Variants in ABCD3 observed in about 807,000 individuals in gnomAD.
The protein encoded by ABCD3 is ATP binding cassette subfamily D member 3.
ABCD3 carries 41 observed loss-of-function variants against 105.5 expected under a neutral mutation model. The ratio of observed to expected loss-of-function variants is 0.39; its 90% confidence interval spans 0.30 to 0.50. ABCD3 has a LOEUF of 0.50. ABCD3 is among the 20% of genes least tolerant of loss of function. ABCD3 has a pLI of 0.84. For synonymous variants in ABCD3, 258 were observed against 269.0 expected, an observed-to-expected ratio of 0.96 and a Z score of 0.40; for missense variants, 622 against 806.3, an observed-to-expected ratio of 0.77 and a Z score of 2.77.
intron 9 of ABCD3, chr1:94,482,743 A>G (rs1649089470): frequency 1.1e-5 from 2 of 186,428 alleles, no homozygotes; most frequent in South Asian, 1.1e-4. Context: ...AAAAGGCTGT[A>G]TGTCAAGTCA....
Position 94,455,330 on chromosome 1 carries a change from T to C in ABCD3, c.111-3277T>C, listed in dbSNP as rs189223042. On this transcript the variant is annotated intron_variant, in intron 1 of 22. Transcript: ENST00000370214. The stretch of plus-strand genomic sequence containing the variant: ...TTTAAGAAACTTATAAATGAATTTT[T>C]TTTTTTTTTTTTGAGACCGAGTTTT... Among the ~76,000 whole-genome samples, 460 of 152,096 alleles carry C rather than the reference T, an allele frequency of 3.0e-3. 7 individuals carry two copies. The highest frequency in any genetic ancestry group is 9.4e-3 in the Admixed American group (144 of 15,288).
chr1:94,387,261 G>A, the ABCD3 span, among the ~76,000 whole-genome samples: 1 of 152,194 alleles, frequency 6.6e-6, no homozygotes, highest in Non-Finnish European at 1.5e-5. Context: ...AACAGGACTT[G>A]AGTAGTTTGA....
At chr1:94,455,444 G>C (rs1461280118) in intron 1 of ABCD3, among the ~76,000 whole-genome samples, 2 of 151,690 alleles carry the variant, frequency 1.3e-5, no homozygotes, top group Admixed American at 6.6e-5. Flanking sequence ...TTCTGCCTCA[G>C]CCTCCTGAGT....
intron 21 of ABCD3, among the ~76,000 whole-genome samples, chr1:94,510,357 G>A (rs1470838549): frequency 6.6e-6 from 1 of 152,102 alleles, no homozygotes; most frequent in Non-Finnish European, 1.5e-5. Flanking sequence ...CTGAGAGATA[G>A]TTTGTTATAA....
chr1:94,456,154 C>G (rs759859505), intron 1 of ABCD3, among the ~76,000 whole-genome samples: 1 of 150,394 alleles, frequency 6.6e-6, no homozygotes, highest in Non-Finnish European at 1.5e-5. Flanking sequence ...TTTTTAGATT[C>G]CACATGTAAG....
intron 22 of ABCD3, 26 bp downstream of exon 22, chr1:94,515,228 A>G (rs1439805426): frequency 3.2e-6 from 5 of 1,559,742 alleles, no homozygotes; most frequent in Non-Finnish European, 4.4e-6. Flanking sequence ...ATTGAATGGT[A>G]CAGTGAAATT....
chr1:94,422,735 C>T (rs1364558253), intron 1 of ABCD3, among the ~76,000 whole-genome samples: 1 of 152,110 alleles, frequency 6.6e-6, no homozygotes, highest in Non-Finnish European at 1.5e-5. Context: ...ATGCCTAGTA[C>T]AAACATGAAT....
At chr1:94,464,729 A>C in intron 2 of ABCD3, 46 bp from the exon 3 acceptor site, 1 of 1,455,160 alleles carries the variant, frequency 6.9e-7, no homozygotes, top group Non-Finnish European at 9.6e-7. Context: ...ATTTTATGAT[A>C]TGTTTGTTAT....
chr1:94,393,229 A>C, the ABCD3 span, among the ~76,000 whole-genome samples: 1 of 152,250 alleles, frequency 6.6e-6, no homozygotes, highest in Non-Finnish European at 1.5e-5. Context: ...AATCTCTGGC[A>C]CATAATGGAT....
At chr1:94,514,856 C>T in intron 21 of ABCD3, 5 of 338,606 alleles carry the variant, frequency 1.5e-5, no homozygotes, top group Non-Finnish European at 2.2e-5. Context: ...TCTCATATTC[C>T]TCTCATATAT....
intron 16 of ABCD3, among the ~76,000 whole-genome samples, chr1:94,494,835 T>G (rs1332902121): frequency 6.6e-6 from 1 of 152,174 alleles, no homozygotes; most frequent in African/African-American, 2.4e-5. Context: ...ATTAAAATAG[T>G]ACTTTGTCCA....
the ABCD3 span, among the ~76,000 whole-genome samples, chr1:94,404,898 C>G: frequency 6.7e-6 from 1 of 148,616 alleles, no homozygotes; most frequent in Non-Finnish European, 1.5e-5. Flanking sequence ...GATATTGCGC[C>G]GCTGCACTGC....
chr1:94,399,306 A>C, the ABCD3 span, among the ~76,000 whole-genome samples: 2 of 152,218 alleles, frequency 1.3e-5, no homozygotes, highest in Admixed American at 6.5e-5. Context: ...AGTAATGCAC[A>C]CACATTTTTG....
the ABCD3 span, among the ~76,000 whole-genome samples, chr1:94,409,344 C>T: frequency 1.3e-5 from 2 of 152,134 alleles, no homozygotes; most frequent in East Asian, 3.9e-4. Flanking sequence ...TAAACATATA[C>T]ACCTACTATA....
intron 1 of ABCD3, among the ~76,000 whole-genome samples, chr1:94,424,322 G>C (rs1659383478): frequency 6.6e-6 from 1 of 152,020 alleles, no homozygotes; most frequent in Admixed American, 6.5e-5. Flanking sequence ...TGCCTGAAGT[G>C]CTCTTTCCTC....
intron 4 of ABCD3, among the ~76,000 whole-genome samples, chr1:94,471,004 G>T (rs1237396221): frequency 1.3e-5 from 2 of 152,020 alleles, no homozygotes; most frequent in Non-Finnish European, 2.9e-5. Flanking sequence ...CAAGCATTCT[G>T]TGACTCTTGG....
chr1:94,426,473 C>G (rs991474996), intron 1 of ABCD3, among the ~76,000 whole-genome samples: 2 of 151,968 alleles, frequency 1.3e-5, no homozygotes, highest in Admixed American at 6.6e-5. Context: ...TTATGACTCT[C>G]AAATATTTTT....
chr1:94,472,264 G>A lies in ABCD3; in HGVS notation c.336-1502G>A, dbSNP rs1292336236. On this transcript the variant is annotated intron_variant, in intron 4 of 22. Coordinates refer to ENST00000370214, the MANE Select transcript of ABCD3 (RefSeq NM_002858.4). The stretch of plus-strand genomic sequence containing the variant: ...AATGGTAAACCATTGCTGAATGATG[G>A]CATGTTCTTGTGTGTTTCACAGCTT... 13 of 966,736 alleles carry A rather than the reference G, an allele frequency of 1.3e-5. No individual in the cohort carries two copies. The African/African-American group carries it at 2.1e-4, about 16-fold the overall frequency. The allele number at this position is 966,736 out of a possible 1,614,324, so 59.9% of individuals were successfully genotyped here.
the ABCD3 span, among the ~76,000 whole-genome samples, chr1:94,406,048 G>A: frequency 6.6e-6 from 1 of 151,742 alleles, no homozygotes; most frequent in South Asian, 2.1e-4. Flanking sequence ...TTGTACTTGT[G>A]TAATTTTATT....
Sources: gnomAD v4.1 joint callset for allele counts (sites outside exome capture counted in the v4.1 genomes callset) on GRCh38, gnomAD v4.1.1 for gene constraint, MANE v1.5 for transcripts, NCBI Gene and HGNC (gene_info 2026-07-23, HGNC 2026-07-21) for gene names.